The following DYSF variants were observed in gnomAD, a reference collection of about 807,000 sequenced individuals.
DYSF encodes dysferlin.
Under a neutral mutation model 274.9 loss-of-function variants are expected in DYSF, and 212 were observed. The observed-to-expected ratio is 0.77, with a 90% CI of 0.69 to 0.86. The LOEUF (loss-of-function observed/expected upper bound fraction) is 0.86, where lower values mean the gene tolerates loss of function less well. Ranked by LOEUF, DYSF falls within the 40% of genes least tolerant of loss-of-function variation. The pLI is 0.00. For missense variants in DYSF, 2,666 were observed against 2,783.2 expected (o/e 0.96, Z 0.95); for synonymous variants, 1,091 against 1,078.7 (o/e 1.01, Z -0.22).
At chr2:71,481,722 C>CCATT (rs566362594) in intron 2 of DYSF, among the ~76,000 whole-genome samples, 157 bp from the exon 3 acceptor site, 4 of 151,722 alleles carry the variant, frequency 2.6e-5, no homozygotes, top group Admixed American at 6.6e-5. Context: ...ATCCATCCAT[C>CCATT]CATCCATGCT....
chr2:71,561,978 C>T lies in DYSF; in HGVS notation c.2409+34C>T, dbSNP rs1243797165. Reference sequence around the variant, plus strand: ...GCCTGGGGGTGCCTTTCTTCTTCTGCTCTCCTGCTGCCTGGAACATCAGAA... The same window carrying T: ...GCCTGGGGGTGCCTTTCTTCTTCTGTTCTCCTGCTGCCTGGAACATCAGAA... On this transcript the variant is annotated intron_variant, in intron 23 of 55. Transcript: ENST00000410020. The T allele has an allele frequency of 3.1e-6, 5 of 1,602,202 alleles. No homozygotes were observed. In the African/African-American group the frequency reaches 4.0e-5, roughly 13 times the overall value.
At chr2:71,509,232 G>A (rs942316028) in intron 4 of DYSF, among the ~76,000 whole-genome samples, 9 of 151,988 alleles carry the variant, frequency 5.9e-5, no homozygotes, top group East Asian at 3.9e-4. Flanking sequence ...GTGTAATCAT[G>A]GCTCACTGCA....
At chr2:71,479,867 C>T (rs546628430) in intron 1 of DYSF, among the ~76,000 whole-genome samples, 1 of 152,220 alleles carries the variant, frequency 6.6e-6, no homozygotes, top group African/African-American at 2.4e-5. Context: ...TGGACTCCTT[C>T]AAGGCCTTGG....
rs142296584 is a variant in DYSF at position 71,521,205 on chromosome 2, C to T, written c.1149+301C>T. ...TTCTTTTTGCAACAGTGAGATTATTCTATATATATTATATTGTGACTTGAA... is the reference window on the plus strand; with the variant it reads ...TTCTTTTTGCAACAGTGAGATTATTTTATATATATTATATTGTGACTTGAA... On this transcript the variant is annotated intron_variant, in intron 12 of 55. Coordinates refer to ENST00000410020, the MANE Select transcript of DYSF (RefSeq NM_001130987.2). Among the ~76,000 whole-genome samples the T allele has an allele frequency of 6.4e-3, 980 of 152,216 alleles. 9 individuals carry two copies. The highest frequency in any genetic ancestry group is 0.023 in the African/African-American group (943 of 41,536).
At chr2:71,548,292 C>T (rs1254603181) in intron 17 of DYSF, among the ~76,000 whole-genome samples, 2 of 152,200 alleles carry the variant, frequency 1.3e-5, no homozygotes, top group Non-Finnish European at 2.9e-5. Context: ...GTGCATTCTT[C>T]CTTCACAAAG....
intron 32 of DYSF, 152 bp from the exon 33 acceptor site, chr2:71,598,412 A>T: frequency 1.0e-6 from 1 of 958,614 alleles, no homozygotes; most frequent in Non-Finnish European, 1.6e-6. Context: ...GGAGAGCCCC[A>T]TAGGGAAGAT....
At chr2:71,531,956 C>T (rs987164892) in intron 14 of DYSF, among the ~76,000 whole-genome samples, 2 of 152,152 alleles carry the variant, frequency 1.3e-5, no homozygotes, top group Admixed American at 6.5e-5. Flanking sequence ...AGGAATTTAA[C>T]CCTGCTTCTT....
At chr2:71,553,753 T>TTCCCCCCCCCCCC in intron 20 of DYSF, 54 bp from the exon 21 acceptor site, 33 of 567,470 alleles carry the variant, frequency 5.8e-5, no homozygotes, top group South Asian at 2.4e-4. Flanking sequence ...TAGCACCCCA[T>TTCCCCCCCCCCCC]CCCACCCGCC....
chr2:71,484,236 A>G (rs922841914), intron 3 of DYSF, among the ~76,000 whole-genome samples: 5 of 151,826 alleles, frequency 3.3e-5, no homozygotes, highest in Non-Finnish European at 5.9e-5. Context: ...TATTTTTAGT[A>G]GAGACAGGGT....
chr2:71,465,134 G>C (rs2081448810), upstream of DYSF, among the ~76,000 whole-genome samples: 1 of 152,172 alleles, frequency 6.6e-6, no homozygotes, highest in African/African-American at 2.4e-5. Flanking sequence ...ATAACATCAT[G>C]CTTGTGTGCC....
At chr2:71,499,181 C>T (rs1166245175) in intron 3 of DYSF, among the ~76,000 whole-genome samples, 3 of 152,180 alleles carry the variant, frequency 2.0e-5, no homozygotes, top group African/African-American at 7.2e-5. Context: ...TATATTATTG[C>T]TTAATCGCCC....
chr2:71,589,716 T>A, intron 31 of DYSF, 30 bp downstream of exon 31: 1 of 1,576,732 alleles, frequency 6.3e-7, no homozygotes, highest in Non-Finnish European at 8.7e-7. Context: ...CTCTATGGGG[T>A]GATAAGGGTG....
chr2:71,507,091 A>T (rs2085557854), intron 4 of DYSF, among the ~76,000 whole-genome samples: 1 of 152,036 alleles, frequency 6.6e-6, no homozygotes, highest in African/African-American at 2.4e-5. Flanking sequence ...CATCCCGGAG[A>T]GGGCTGCTCC....
intron 41 of DYSF, among the ~76,000 whole-genome samples, chr2:71,641,121 T>G (rs181001972): frequency 1.3e-5 from 2 of 152,254 alleles, no homozygotes; most frequent in East Asian, 3.9e-4. Context: ...GATTTGATTT[T>G]TCTCATTCCT....
intron 42 of DYSF, among the ~76,000 whole-genome samples, chr2:71,654,322 AT>A (rs1226456614): frequency 1.3e-5 from 2 of 152,262 alleles, no homozygotes; most frequent in East Asian, 3.9e-4. Context: ...AATCCATACA[AT>A]TTTTCCAGAG....
chr2:71,526,579 G>A (rs947406392), intron 13 of DYSF, among the ~76,000 whole-genome samples: 6 of 152,246 alleles, frequency 3.9e-5, no homozygotes, highest in Non-Finnish European at 7.3e-5. Flanking sequence ...GGCCTGGTCT[G>A]GCAATATTTG....
intron 17 of DYSF, among the ~76,000 whole-genome samples, chr2:71,549,103 A>G (rs1455979052): frequency 1.3e-5 from 2 of 152,338 alleles, no homozygotes; most frequent in East Asian, 3.9e-4. Flanking sequence ...AGTGATGGGC[A>G]GGCCAGGTGG....
intron 30 of DYSF, among the ~76,000 whole-genome samples, chr2:71,576,733 A>T (rs2092711210): frequency 6.6e-6 from 1 of 152,194 alleles, no homozygotes; most frequent in Non-Finnish European, 1.5e-5. Context: ...GACTGGAGAC[A>T]CGTGGACAAA....
intron 3 of DYSF, among the ~76,000 whole-genome samples, chr2:71,490,207 T>C (rs1393887481): frequency 2.6e-5 from 4 of 152,220 alleles, no homozygotes; most frequent in Non-Finnish European, 4.4e-5. Flanking sequence ...AAAACCTAAG[T>C]AATTTTTATA....
Sources: allele counts gnomAD v4.1 joint callset (sites outside exome capture counted in the v4.1 genomes callset), GRCh38; gene constraint gnomAD v4.1.1; transcripts MANE v1.5; gene names NCBI Gene and HGNC (gene_info 2026-07-23, HGNC 2026-07-21).